The following EPCAM variants were observed in gnomAD, a reference collection of about 807,000 sequenced individuals.
The protein encoded by EPCAM is epithelial cell adhesion molecule, also known as adenocarcinoma-associated antigen.
A neutral mutation model predicts 40.0 loss-of-function variants in EPCAM; 39 were observed. That is an observed-to-expected ratio of 0.98 (90% confidence interval 0.76 to 1.27). The LOEUF (loss-of-function observed/expected upper bound fraction) is 1.27. EPCAM is among the 50% of genes most tolerant of loss of function. EPCAM has a pLI of 0.00. For synonymous variants in EPCAM, 168 were observed against 132.3 expected, an observed-to-expected ratio of 1.27 and a Z score of -1.85; for missense variants, 503 against 381.2, an observed-to-expected ratio of 1.32 and a Z score of -2.66.
chr2:47,386,672 G>T lies in EPCAM; in HGVS notation c.*59G>T. On this transcript the variant is annotated 3_prime_UTR_variant, in exon 9 of 9. Transcript: ENST00000263735. ...TAGCAAATGGACACAAATTACAAAT[G>T]TGTGTGCGTGGGACGAAGACATCTT... The T allele has an allele frequency of 2.3e-6, 3 of 1,293,386 alleles. No homozygotes were observed. The highest frequency in any genetic ancestry group is 3.4e-6 in the Non-Finnish European group (3 of 890,664). 80.1% of individuals were successfully genotyped at this position (1,293,386 alleles called of 1,614,324 possible).
intron 4 of EPCAM, among the ~76,000 whole-genome samples, chr2:47,376,376 C>T (rs991150364): frequency 4.0e-5 from 6 of 151,832 alleles, no homozygotes; most frequent in African/African-American, 1.5e-4. Context: ...CCTGCCTCAG[C>T]CTCCTGAGTA....
chr2:47,375,116 C>A lies in EPCAM; in HGVS notation c.426-118C>A. On this transcript the variant is annotated intron_variant, in intron 3 of 8. Coordinates refer to ENST00000263735, the MANE Select transcript of EPCAM (RefSeq NM_002354.3). Reference sequence around the variant, plus strand: ...AGGGAAGAAATTATAGGAATAGCTACTGCATAAATTTTTTTTCTCTTAGTC... The same window carrying A: ...AGGGAAGAAATTATAGGAATAGCTAATGCATAAATTTTTTTTCTCTTAGTC... 3 of 709,252 alleles carry A rather than the reference C, an allele frequency of 4.2e-6. No homozygotes were observed. The South Asian group carries it at 4.7e-5, about 11-fold the overall frequency. 43.9% of individuals were successfully genotyped at this position (709,252 alleles called of 1,614,324 possible). A position where few individuals can be genotyped will look rare whatever the true frequency, so the allele number is the denominator to read the frequency against.
Position 47,377,072 on chromosome 2 carries a change from A to G in EPCAM, c.550A>G (p.Ile184Val), listed in dbSNP as rs1259006998. The G allele has an allele frequency of 6.2e-7, 1 of 1,600,382 alleles. No homozygotes were observed. Reference sequence around the variant, plus strand: ...ACTGGATCCAAAATTTATCACGAGTATTTTGGTATGATTTTTTAATAAGTG... The same window carrying G: ...ACTGGATCCAAAATTTATCACGAGTGTTTTGGTATGATTTTTTAATAAGTG... ...YQLDPKFITS[I>V]LYENNVITID... Residue 184 changes from isoleucine to valine, a missense_variant, in exon 5 of 9, where the codon ATT becomes GTT. Transcript: ENST00000263735.
At chr2:47,377,976 TA>T in intron 5 of EPCAM, among the ~76,000 whole-genome samples, 1 of 152,220 alleles carries the variant, frequency 6.6e-6, no homozygotes, top group Non-Finnish European at 1.5e-5. Flanking sequence ...CTCACGCCTG[TA>T]ATCCCAGCAC....
chr2:47,385,093 G>C (rs1366784916), intron 7 of EPCAM, 73 bp from the exon 8 acceptor site: 9 of 1,092,754 alleles, frequency 8.2e-6, no homozygotes, highest in Non-Finnish European at 1.3e-5. Context: ...TCCATTAAAA[G>C]CATATATGTC....
rs778213395 is a variant in EPCAM, at chr2:47,373,970, G to A, written c.347G>A (p.Cys116Tyr). 2.5e-6 allele frequency: 4 copies of A among 1,614,144 alleles called. No homozygotes were observed. The highest frequency in any genetic ancestry group is 3.4e-6 in the Non-Finnish European group (4 of 1,180,012). Residue 116 changes from cysteine (C) to tyrosine (Y), a missense_variant, in exon 3 of 9, where the codon TGC becomes TAC. Physicochemically the swap from Cys to Tyr is radical, Grantham distance 194. Coordinates refer to ENST00000263735, the MANE Select transcript of EPCAM (RefSeq NM_002354.3). The stretch of plus-strand genomic sequence containing the variant: ...AAGCAGTGCAACGGCACCTCCATGT[G>A]CTGGTGTGTGAACACTGCTGGGGTC... ...KAKQCNGTSM[C>Y]WCVNTAGVRR...
At chr2:47,371,263 C>G (rs1257045451) in intron 1 of EPCAM, among the ~76,000 whole-genome samples, 1 of 152,216 alleles carries the variant, frequency 6.6e-6, no homozygotes, top group Non-Finnish European at 1.5e-5. Context: ...CCGTCTCTCT[C>G]TCTCTCTTTT....
At chr2:47,383,607 CTTTTTTTTTTTT>C (rs760722807) in intron 7 of EPCAM, among the ~76,000 whole-genome samples, 76 of 36,400 alleles carry the variant, frequency 2.1e-3, no homozygotes, top group African/African-American at 3.5e-3. Flanking sequence ...CCGGCTTCTT[CTTTTTTTTTTTT>C]TTTTTTTTTT....
At chr2:47,369,970 G>A (rs1019000893) in intron 1 of EPCAM, among the ~76,000 whole-genome samples, 3 of 152,200 alleles carry the variant, frequency 2.0e-5, no homozygotes, top group African/African-American at 7.2e-5. Flanking sequence ...GCCGGTGGCG[G>A]AGTCTTTACG....
At chr2:47,382,516 G>A (rs1023598043) in intron 7 of EPCAM, among the ~76,000 whole-genome samples, 4 of 151,996 alleles carry the variant, frequency 2.6e-5, no homozygotes, top group African/African-American at 4.8e-5. Context: ...GAGAAACCCC[G>A]TCTCTACTAA....
At chr2:47,371,825 G>T (rs1671277888) in intron 1 of EPCAM, among the ~76,000 whole-genome samples, 1 of 152,142 alleles carries the variant, frequency 6.6e-6, no homozygotes, top group African/African-American at 2.4e-5. Flanking sequence ...ATTAAAGGTG[G>T]TTCATATCGA....
Position 47,379,973 on chromosome 2 carries a change from A to C in EPCAM, c.858+4A>C. 1 of 1,608,108 alleles carries C rather than the reference A, an allele frequency of 6.2e-7. No individual in the cohort carries two copies. The highest frequency in any genetic ancestry group is 8.5e-7 in the Non-Finnish European group (1 of 1,176,644). On this transcript the variant is annotated splice_donor_region_variant and intron_variant, in intron 7 of 8. Transcript: ENST00000263735. ...TGTTGCTGGAATTGTTGTGCTGGTG[A>C]GTACAGAACAAGTAAAATTTCATTT...
At chr2:47,376,026 G>A (rs575019882) in intron 4 of EPCAM, among the ~76,000 whole-genome samples, 23 of 152,022 alleles carry the variant, frequency 1.5e-4, no homozygotes, top group African/African-American at 4.6e-4. Flanking sequence ...GTTATATCAC[G>A]TTGTGCCCAT....
chr2:47,386,289 A>G (rs1671741128), intron 8 of EPCAM, among the ~76,000 whole-genome samples: 1 of 152,222 alleles, frequency 6.6e-6, no homozygotes, highest in African/African-American at 2.4e-5. Context: ...AGCATTAAAA[A>G]TAGTATGCAT....
intron 3 of EPCAM, among the ~76,000 whole-genome samples, chr2:47,374,896 C>A (rs1671381811): frequency 6.6e-6 from 1 of 152,154 alleles, no homozygotes; most frequent in Non-Finnish European, 1.5e-5. Flanking sequence ...CCTCCACCTC[C>A]CAAAGTGTTG....
chr2:47,373,681 C>G (rs2103746449), intron 2 of EPCAM, 111 bp downstream of exon 2: 1 of 1,461,168 alleles, frequency 6.8e-7, no homozygotes, highest in Non-Finnish European at 9.5e-7. Context: ...AATCATGTTA[C>G]AAAGTAAGTG....
chr2:47,382,070 A>T (rs1035461150), intron 7 of EPCAM, among the ~76,000 whole-genome samples: 41 of 151,914 alleles, frequency 2.7e-4, no homozygotes, highest in Non-Finnish European at 1.5e-5. Flanking sequence ...ACCTAGTCCT[A>T]TATATATATA....
intron 5 of EPCAM, chr2:47,377,605 A>G: frequency 7.6e-6 from 2 of 264,630 alleles, no homozygotes; most frequent in Non-Finnish European, 1.6e-5. Context: ...CCTAAAGAAA[A>G]CGTAGTATCT....
chr2:47,373,777 T>C (rs2103746821), intron 2 of EPCAM, 31 bp from the exon 3 acceptor site: 1 of 1,613,942 alleles, frequency 6.2e-7, no homozygotes, highest in East Asian at 2.2e-5. Context: ...ATCAGTTATT[T>C]TTCAGTTTGG....
Sources: gnomAD v4.1 joint callset for allele counts (sites outside exome capture counted in the v4.1 genomes callset) on GRCh38, gnomAD v4.1.1 for gene constraint, MANE v1.5 for transcripts, NCBI Gene and HGNC (gene_info 2026-07-23, HGNC 2026-07-21) for gene names.